Variants in AFAP1 observed in about 807,000 individuals in gnomAD.
AFAP1 encodes the protein actin filament associated protein 1.
Under a neutral mutation model 93.9 loss-of-function variants are expected in AFAP1, and 75 were observed. That is an observed-to-expected ratio of 0.80 (90% CI 0.66 to 0.97). AFAP1 has a LOEUF of 0.97. Ranked by LOEUF, AFAP1 falls within the 50% of genes least tolerant of loss-of-function variation. The probability of loss-of-function intolerance (pLI) is 0.00; values close to 1 mark genes in which losing one functional copy is unlikely to be tolerated. For missense variants in AFAP1, 1,201 were observed against 1,050.8 expected, an observed-to-expected ratio of 1.14 and a Z score of -1.98; for synonymous variants, 517 against 430.7, an observed-to-expected ratio of 1.20 and a Z score of -2.48.
chr4:7,803,029 C>T (rs1719200149), intron 9 of AFAP1, among the ~76,000 whole-genome samples: 1 of 152,232 alleles, frequency 6.6e-6, no homozygotes, highest in South Asian at 2.1e-4. Flanking sequence ...GAACCACGTG[C>T]TCGCCATGGC....
rs553292283 is a variant in AFAP1 at position 7,839,767 on chromosome 4, C to T, written c.547-1064G>A. Among the ~76,000 whole-genome samples the T allele has an allele frequency of 3.0e-4, 45 of 152,208 alleles. No individual in the cohort carries two copies. The South Asian group carries it at 9.1e-3, about 31-fold the overall frequency. On this transcript the variant is annotated intron_variant, in intron 5 of 17. Coordinates refer to ENST00000420658, the MANE Select transcript of AFAP1 (RefSeq NM_001134647.2). ...CATTGCCCAAAGCTTCCCTTACCCC[C>T]GTTTGTTTACCTGTACTACTTGGGG...
chr4:7,779,150 C>T, intron 13 of AFAP1: 1 of 400,588 alleles, frequency 2.5e-6, no homozygotes, highest in South Asian at 3.0e-5. Flanking sequence ...TGGCAGACCA[C>T]AAATGCTAAC....
rs1238658286 is a variant in AFAP1, at chr4:7,868,826, T to A, written c.128-107A>T. On this transcript the variant is annotated intron_variant, in intron 2 of 17. Transcript: ENST00000420658. Reference sequence around the variant, plus strand: ...CCTGTGTTGAACACTTTGCAAATATTTATTTTCTCTAATCCTTTACAACAG... The same window carrying A: ...CCTGTGTTGAACACTTTGCAAATATATATTTTCTCTAATCCTTTACAACAG... The A allele has an allele frequency of 2.5e-5, 23 of 938,388 alleles. No homozygotes were observed. The South Asian group carries it at 3.2e-4, about 13-fold the overall frequency. The allele number at this position is 938,388 out of a possible 1,614,324, so 58.1% of individuals were successfully genotyped here. A position where few individuals can be genotyped will look rare whatever the true frequency, so the allele number is the denominator to read the frequency against.
At chr4:7,806,583 T>C (rs1441221780) in intron 9 of AFAP1, among the ~76,000 whole-genome samples, 1 of 152,216 alleles carries the variant, frequency 6.6e-6, no homozygotes, top group African/African-American at 2.4e-5. Flanking sequence ...CTTGGCAGGC[T>C]CAGTCTCAAG....
At chr4:7,934,957 G>C (rs1721292718) in intron 1 of AFAP1, among the ~76,000 whole-genome samples, 1 of 152,126 alleles carries the variant, frequency 6.6e-6, no homozygotes, top group Non-Finnish European at 1.5e-5. Flanking sequence ...CAATACCTTT[G>C]CAAAATATTA....
At position 7,855,542 on chromosome 4, in the gene AFAP1, T is replaced by C; in HGVS notation, c.258A>G (p.Thr86=). The C allele has an allele frequency of 6.2e-6, 10 of 1,614,004 alleles. No homozygotes were observed. The highest frequency in any genetic ancestry group is 8.5e-6 in the Non-Finnish European group (10 of 1,179,976). ...CATAATAACCTTCTGGGAGGGAGGA[T>C]GTTGGCAATGGTGGAGGCCCACTGT... The part of the protein sequence containing the change: ...PPDSGPPPLP[T]SSLPEGYYEE... Residue 86 remains threonine (T), a synonymous_variant, in exon 4 of 18, where the codon ACA becomes ACG. Coordinates refer to ENST00000420658, the MANE Select transcript of AFAP1 (RefSeq NM_001134647.2).
intron 3 of AFAP1, among the ~76,000 whole-genome samples, chr4:7,863,704 A>G (rs1017053112): frequency 4.6e-5 from 7 of 152,208 alleles, no homozygotes; most frequent in Admixed American, 1.3e-4. Flanking sequence ...CTCAGGCTTT[A>G]TTAACTATTG....
rs1713726531 is a variant in AFAP1, at chr4:7,761,145, T to A, written c.*2620A>T. ...CGCGTGTGTCTAATATGTACAGATA[T>A]AAATTAAAAACTATATTTATTGAAC... is the stretch of plus-strand genomic sequence containing the variant. On this transcript the variant is annotated 3_prime_UTR_variant, in exon 18 of 18. Coordinates refer to ENST00000420658, the MANE Select transcript of AFAP1 (RefSeq NM_001134647.2). 6.6e-6 allele frequency: 1 copy of A among 152,168 alleles called. No individual in the cohort carries two copies. The highest frequency in any genetic ancestry group is 2.4e-5 in the African/African-American group (1 of 41,452). The allele number at this position is 152,168 out of a possible 1,614,324, so 9.4% of individuals were successfully genotyped here.
In AFAP1 at chr4:7,861,451, T is replaced by C. The variant is rs568545878; in HGVS notation, c.226-5877A>G. 3.9e-5 allele frequency among the ~76,000 whole-genome samples: 6 copies of C among 152,354 alleles called. No homozygotes were observed. The East Asian group carries it at 7.7e-4, about 20-fold the overall frequency. ...TGAGTACATACTCTTCTTGGCAAAA[T>C]GCAAGTCTTTATCCAAATTACACCC... On this transcript the variant is annotated intron_variant, in intron 3 of 17. Transcript: ENST00000420658.
At chr4:7,834,128 C>CACACACACACACACACACACACACACAT (rs756961714) in intron 6 of AFAP1, among the ~76,000 whole-genome samples, 4 of 119,426 alleles carry the variant, frequency 3.3e-5, no homozygotes, top group Admixed American at 1.7e-4. Context: ...CACACACACA[C>CACACACACACACACACACACACACACAT]ATATATACAA....
In AFAP1 at chr4:7,871,991, CT is replaced by C; in HGVS notation, c.87del (p.Val30Ter). On this transcript the variant is annotated frameshift_variant, in exon 2 of 18. Transcript: ENST00000420658. LOFTEE classifies it high-confidence loss of function. ...YLTSTVREKK[A>X]VITNILLRIQ... is the part of the protein sequence containing the mutation. The stretch of plus-strand genomic sequence containing the variant: ...ATTCTTAGCAGAATGTTGGTTATCA[CT>C]GCCTTTTTCTCCCTGACAGTTGAGG... 6.2e-7 allele frequency: 1 copy of C among 1,614,202 alleles called. No homozygotes were observed. The highest frequency in any genetic ancestry group is 8.5e-7 in the Non-Finnish European group (1 of 1,180,028).
chr4:7,875,551 C>T (rs940333348), intron 1 of AFAP1, among the ~76,000 whole-genome samples: 3 of 150,126 alleles, frequency 2.0e-5, no homozygotes, highest in South Asian at 4.2e-4. Context: ...CCCAGGAGTT[C>T]GAGGCTGCAG....
At chr4:7,934,130 T>C (rs1463252534) in intron 1 of AFAP1, among the ~76,000 whole-genome samples, 2 of 152,158 alleles carry the variant, frequency 1.3e-5, no homozygotes, top group African/African-American at 2.4e-5. Context: ...TACAGTGAAT[T>C]ATAAATGGCC....
intron 3 of AFAP1, among the ~76,000 whole-genome samples, chr4:7,865,385 T>G (rs1188094674): frequency 6.6e-6 from 1 of 152,236 alleles, no homozygotes; most frequent in Non-Finnish European, 1.5e-5. Context: ...CTTAAATCAT[T>G]CACTTAAATT....
At chr4:7,852,833 C>G (rs1279525183) in intron 4 of AFAP1, among the ~76,000 whole-genome samples, 1 of 152,136 alleles carries the variant, frequency 6.6e-6, no homozygotes, top group African/African-American at 2.4e-5. Context: ...AGGCCCCCAC[C>G]ATCTCACATA....
intron 1 of AFAP1, among the ~76,000 whole-genome samples, chr4:7,917,480 C>A (rs748358738): frequency 3.3e-5 from 5 of 152,134 alleles, no homozygotes. Flanking sequence ...TCTTCCATAT[C>A]ATTTGAACTA....
At chr4:7,838,372 T>C (rs1009641180) in intron 6 of AFAP1, 152 bp downstream of exon 6, 13 of 866,896 alleles carry the variant, frequency 1.5e-5, no homozygotes, top group Non-Finnish European at 1.8e-5. Context: ...AACCTCCATG[T>C]CATCAGAATA....
chr4:7,816,077 C>T lies in AFAP1; in HGVS notation c.845G>A (p.Ser282Asn). 1.2e-6 allele frequency: 2 copies of T among 1,612,764 alleles called. No homozygotes were observed. The highest frequency in any genetic ancestry group is 1.7e-6 in the Non-Finnish European group (2 of 1,179,548). The stretch of plus-strand genomic sequence containing the variant: ...TTCCACAACACCCTCCCCATCTGAG[C>T]TGGGTCTCTCTGAAGACAGTTTCTG... Reference protein sequence around the residue: ...LEKKLSSERPSSDGEGVVENG... With the variant: ...LEKKLSSERPNSDGEGVVENG... Residue 282 changes from serine to asparagine, a missense_variant, in exon 8 of 18, where the codon AGC (serine) becomes AAC (asparagine). Ser to Asn is a conservative substitution (Grantham distance 46). Coordinates refer to ENST00000420658, the MANE Select transcript of AFAP1 (RefSeq NM_001134647.2).
In AFAP1 at chr4:7,861,550, T is replaced by G. The variant is rs534413420; in HGVS notation, c.226-5976A>C. Among the ~76,000 whole-genome samples, 234 of 152,356 alleles carry G rather than the reference T, an allele frequency of 1.5e-3. 2 individuals are homozygous for G. The highest frequency in any genetic ancestry group is 5.6e-3 in the African/African-American group (232 of 41,588). On this transcript the variant is annotated intron_variant, in intron 3 of 17. Coordinates refer to ENST00000420658, the MANE Select transcript of AFAP1 (RefSeq NM_001134647.2). ...TAAACACTGGGAAGATTGTCTCACA[T>G]ATTTTCTTAAAGTTTCTCTCCTTTT...
Sources: allele counts gnomAD v4.1 joint callset (sites outside exome capture counted in the v4.1 genomes callset), GRCh38; gene constraint gnomAD v4.1.1; transcripts MANE v1.5; gene names NCBI Gene and HGNC (gene_info 2026-07-23, HGNC 2026-07-21).